Variants in CYFIP1 observed in about 807,000 individuals in gnomAD.
The protein encoded by CYFIP1 is cytoplasmic FMR1-interacting protein 1.
In CYFIP1, 58 loss-of-function variants were observed where a neutral mutation model predicts 163.5. The ratio of observed to expected loss-of-function variants is 0.35; its 90% confidence interval spans 0.29 to 0.44. The LOEUF is 0.44. Ranked by LOEUF, CYFIP1 falls within the 20% of genes least tolerant of loss-of-function variation. The probability of loss-of-function intolerance (pLI) is 1.00; values close to 1 mark genes in which losing one functional copy is unlikely to be tolerated. For synonymous variants in CYFIP1, 663 were observed against 660.7 expected, an observed-to-expected ratio of 1.00 and a Z score of -0.05; for missense variants, 1,338 against 1,653.8, an observed-to-expected ratio of 0.81 and a Z score of 3.31.
chr15:22,960,131 G>T (rs2062625995), intron 1 of CYFIP1, among the ~76,000 whole-genome samples: 1 of 152,156 alleles, frequency 6.6e-6, no homozygotes, highest in Non-Finnish European at 1.5e-5. Flanking sequence ...CCAGCCCGTG[G>T]GCAGAGTGTC....
At chr15:22,931,751 G>A (rs2061546638) in intron 11 of CYFIP1, among the ~76,000 whole-genome samples, 1 of 129,076 alleles carries the variant, frequency 7.7e-6, no homozygotes, top group Non-Finnish European at 1.6e-5. Flanking sequence ...TAGTTTCACT[G>A]CCTTGTCAAT....
chr15:22,934,519 A>G (rs1174697592), intron 9 of CYFIP1, among the ~76,000 whole-genome samples: 1 of 82,354 alleles, frequency 1.2e-5, no homozygotes. Context: ...TTTTTGAGAC[A>G]GTCTCACTCT....
chr15:22,977,467 G>A (rs1038070072), intron 1 of CYFIP1, among the ~76,000 whole-genome samples: 1 of 152,152 alleles, frequency 6.6e-6, no homozygotes, highest in Non-Finnish European at 1.5e-5. Context: ...TGGCCTCTAA[G>A]GGTTGGCTAA....
chr15:22,963,546 TAACATAACATAAGAA>T (rs1406547752), intron 1 of CYFIP1, among the ~76,000 whole-genome samples: 3 of 134,626 alleles, frequency 2.2e-5, no homozygotes, highest in African/African-American at 8.1e-5. Flanking sequence ...TAACATAACA[TAACATAACATAAGAA>T]AGAATGAAAT....
upstream of CYFIP1, chr15:22,980,517 C>T (rs1348982553): frequency 3.9e-5 from 6 of 152,162 alleles, no homozygotes; most frequent in African/African-American, 1.4e-4. Flanking sequence ...CGGCCCCTTT[C>T]CCCACGCCAG....
At chr15:22,908,380 C>A (rs2060654654) in intron 21 of CYFIP1, among the ~76,000 whole-genome samples, 1 of 152,030 alleles carries the variant, frequency 6.6e-6, no homozygotes, top group African/African-American at 2.4e-5. Context: ...ACTGGGAAAC[C>A]TGAAGGTCCA....
intron 22 of CYFIP1, among the ~76,000 whole-genome samples, chr15:22,895,136 T>G (rs1389783548): frequency 6.6e-6 from 1 of 151,828 alleles, no homozygotes; most frequent in Non-Finnish European, 1.5e-5. Flanking sequence ...TGCCTCAGCC[T>G]CCCAAGTAGC....
At chr15:22,914,283 C>T (rs1273598483) in intron 17 of CYFIP1, among the ~76,000 whole-genome samples, 3 of 152,122 alleles carry the variant, frequency 2.0e-5, no homozygotes, top group African/African-American at 7.2e-5. Context: ...CAGGCTGAGT[C>T]CCCGGGTCCC....
At chr15:22,904,678 T>C (rs569322859) in intron 21 of CYFIP1, 40 of 152,352 alleles carry the variant, frequency 2.6e-4, no homozygotes, top group African/African-American at 9.4e-4. Context: ...TATTGGACAG[T>C]AATGGCCTCG....
At chr15:22,911,685 C>T (rs2060793143) in intron 18 of CYFIP1, among the ~76,000 whole-genome samples, 1 of 152,180 alleles carries the variant, frequency 6.6e-6, no homozygotes, top group African/African-American at 2.4e-5. Context: ...GGACCTGTGA[C>T]ATCTCCCTGA....
At chr15:22,876,981 C>T (rs1320284690) in intron 26 of CYFIP1, among the ~76,000 whole-genome samples, 1 of 152,142 alleles carries the variant, frequency 6.6e-6, no homozygotes, top group African/African-American at 2.4e-5. Context: ...TAAGAAAGCT[C>T]GGGTCTCACC....
intron 12 of CYFIP1, among the ~76,000 whole-genome samples, chr15:22,927,632 AGCGACAGGGT>A (rs1226883535): frequency 6.6e-6 from 1 of 152,044 alleles, no homozygotes; most frequent in Non-Finnish European, 1.5e-5. Context: ...CTCCAGCCTA[AGCGACAGGGT>A]GAGACTATCT....
chr15:22,956,713 C>T (rs1206482970), intron 1 of CYFIP1, among the ~76,000 whole-genome samples: 17 of 152,184 alleles, frequency 1.1e-4, no homozygotes, highest in Non-Finnish European at 1.8e-4. Flanking sequence ...GATGGCCCCA[C>T]GGCCCCACTG....
intron 23 of CYFIP1, among the ~76,000 whole-genome samples, chr15:22,888,219 T>C (rs1267191263): frequency 6.6e-6 from 1 of 152,164 alleles, no homozygotes; most frequent in Non-Finnish European, 1.5e-5. Context: ...TTTGAGTGGA[T>C]TCCTGTGTAT....
chr15:22,889,674 A>T (rs995473512), intron 23 of CYFIP1, among the ~76,000 whole-genome samples: 2 of 152,086 alleles, frequency 1.3e-5, no homozygotes, highest in African/African-American at 2.4e-5. Flanking sequence ...TCCTCTCCAG[A>T]TGGGGGTGAC....
chr15:22,884,785 T>A (rs147358722), intron 23 of CYFIP1, among the ~76,000 whole-genome samples: 266 of 152,310 alleles, frequency 1.7e-3, no homozygotes, highest in Non-Finnish European at 2.9e-3. Flanking sequence ...AACCTCTGCA[T>A]GGACATTCAG....
rs372479238 is a variant in CYFIP1, at chr15:22,870,160, C to G, written c.3630G>C (p.Lys1210Asn). The G allele has an allele frequency of 4.3e-6, 7 of 1,610,626 alleles. No homozygotes were observed. Among genetic ancestry groups the G allele is most frequent in the Non-Finnish European group, 5.9e-6 (7 of 1,178,776 alleles). Residue 1210 changes from lysine to asparagine, a missense_variant, in exon 31 of 31, where the codon AAG becomes AAC. By Grantham distance (94) the Lys-to-Asn change is moderately conservative. This residue lies in a region of CYFIP1 where 306 missense variants were observed against 322.1 expected (regional missense o/e 0.95). Transcript: ENST00000617928. Reference protein sequence around the residue: ...PLKKMVERIRKFQILNDEIIT... With the variant: ...PLKKMVERIRNFQILNDEIIT... ...TGATCTCATCATTGAGAATCTGGAA[C>G]TTGCGAATTCTCTCCACCATCTTCT...
At chr15:22,879,818 C>T in intron 26 of CYFIP1, 95 bp downstream of exon 26, 1 of 897,080 alleles carries the variant, frequency 1.1e-6, no homozygotes, top group Non-Finnish European at 1.7e-6. Flanking sequence ...GCCACACCCC[C>T]ACTAAAGAAC....
At chr15:22,959,186 C>T (rs1410739843) in intron 1 of CYFIP1, among the ~76,000 whole-genome samples, 1 of 152,204 alleles carries the variant, frequency 6.6e-6, no homozygotes, top group African/African-American at 2.4e-5. Flanking sequence ...GTTTCTTTCC[C>T]ACCTGTGTGC....
Sources: gnomAD v4.1 joint callset for allele counts (sites outside exome capture counted in the v4.1 genomes callset) on GRCh38, gnomAD v4.1.1 for gene constraint, gnomAD v4.1.1 regional missense constraint, MANE v1.5 for transcripts, NCBI Gene and HGNC (gene_info 2026-07-23, HGNC 2026-07-21) for gene names.